Variants in RPIA observed in about 807,000 individuals in gnomAD.
RPIA encodes ribose 5-phosphate isomerase A.
RPIA carries 29 observed loss-of-function variants against 37.8 expected under a neutral mutation model. The observed-to-expected ratio is 0.77, with a 90% CI of 0.57 to 1.05. RPIA has a LOEUF of 1.05. Among genes scored for constraint, RPIA ranks in the 50% least tolerant of loss-of-function variants. The pLI, the probability that RPIA is intolerant of heterozygous loss-of-function variation, is 0.00. For missense variants in RPIA, 385 were observed against 413.6 expected (o/e 0.93, Z 0.60); for synonymous variants, 167 against 157.0 (o/e 1.06, Z -0.48).
At chr2:88,740,686 A>G (rs920525453) in intron 8 of RPIA, among the ~76,000 whole-genome samples, 3 of 152,094 alleles carry the variant, frequency 2.0e-5, no homozygotes, top group Non-Finnish European at 4.4e-5. Context: ...TCTTTCCACT[A>G]TATTTTATCG....
chr2:88,707,727 A>G (rs186984670), intron 3 of RPIA, among the ~76,000 whole-genome samples: 1 of 152,376 alleles, frequency 6.6e-6, no homozygotes, highest in East Asian at 1.9e-4. Flanking sequence ...GGCAAGGCAC[A>G]TAAGCTGCAG....
At chr2:88,749,164 A>G (rs558330916) in intron 8 of RPIA, among the ~76,000 whole-genome samples, 1 of 152,200 alleles carries the variant, frequency 6.6e-6, no homozygotes, top group Non-Finnish European at 1.5e-5. Flanking sequence ...CTAGGAGTAG[A>G]ATTGCTGAGT....
chr2:88,741,395 C>G (rs368980272), intron 8 of RPIA, among the ~76,000 whole-genome samples: 7 of 152,264 alleles, frequency 4.6e-5, no homozygotes, highest in African/African-American at 1.7e-4. Flanking sequence ...TTATTTCATT[C>G]CTTTTTATGG....
At chr2:88,734,638 G>T in intron 5 of RPIA, 22 bp downstream of exon 5, 1 of 1,612,152 alleles carries the variant, frequency 6.2e-7, no homozygotes, top group South Asian at 1.1e-5. Flanking sequence ...GGGGGCTTCT[G>T]TGCTAAAGAG....
chr2:88,696,323 C>G lies in RPIA; in HGVS notation c.286-2161C>G, dbSNP rs778652835. ...CTTTGGGAGGCAGAGGTGAGATGAT[C>G]ACTTGAGGCCAGGAGTTCGAGACTA... On this transcript the variant is annotated intron_variant, in intron 1 of 8. Transcript: ENST00000283646. Among the ~76,000 whole-genome samples the G allele has an allele frequency of 7.4e-4, 112 of 152,036 alleles. 3 individuals carry two copies. The highest frequency in any genetic ancestry group is 5.1e-4 in the Non-Finnish European group (35 of 68,002).
chr2:88,742,332 T>C (rs550282978), intron 8 of RPIA, among the ~76,000 whole-genome samples: 1 of 152,350 alleles, frequency 6.6e-6, no homozygotes, highest in African/African-American at 2.4e-5. Flanking sequence ...ATATTTTTGT[T>C]TGCTTTGTTG....
chr2:88,705,184 A>G (rs1672882705), intron 3 of RPIA, among the ~76,000 whole-genome samples: 1 of 152,210 alleles, frequency 6.6e-6, no homozygotes, highest in African/African-American at 2.4e-5. Context: ...TTAAACTACC[A>G]TTGACATTCT....
intron 3 of RPIA, among the ~76,000 whole-genome samples, chr2:88,721,303 G>A (rs1673118769): frequency 6.6e-6 from 1 of 151,708 alleles, no homozygotes; most frequent in Non-Finnish European, 1.5e-5. Flanking sequence ...ACCGTGGCAT[G>A]TATATACCTA....
chr2:88,705,502 C>T (rs973875046), intron 3 of RPIA, among the ~76,000 whole-genome samples: 1 of 152,064 alleles, frequency 6.6e-6, no homozygotes, highest in Non-Finnish European at 1.5e-5. Flanking sequence ...AACTGGCTAA[C>T]CATATGCAAA....
At chr2:88,721,674 A>G (rs934260332) in intron 3 of RPIA, among the ~76,000 whole-genome samples, 1 of 148,246 alleles carries the variant, frequency 6.7e-6, no homozygotes, top group African/African-American at 2.4e-5. Flanking sequence ...GATAAAGAAA[A>G]TGTGGTGCAT....
Position 88,710,413 on chromosome 2 carries a change from G to A in RPIA, c.402+10349G>A, listed in dbSNP as rs529984440. Among the ~76,000 whole-genome samples, 205 of 152,318 alleles carry A rather than the reference G, an allele frequency of 1.3e-3. 1 individual carries two copies. Among genetic ancestry groups the A allele is most frequent in the Admixed American group, 3.7e-3 (56 of 15,300 alleles). On this transcript the variant is annotated intron_variant, in intron 3 of 8. Transcript: ENST00000283646. Reference sequence around the variant, plus strand: ...CAGTTGGAGGGGAGGAGGTGAGACAGTGGAAACATGAGACGATTTTTTCAG... The same window carrying A: ...CAGTTGGAGGGGAGGAGGTGAGACAATGGAAACATGAGACGATTTTTTCAG...
chr2:88,750,152 CT>C lies in RPIA; in HGVS notation c.*77del, dbSNP rs1242429111. 1 of 1,009,786 alleles carries C rather than the reference CT, an allele frequency of 9.9e-7. No individual in the cohort carries two copies. The highest frequency in any genetic ancestry group is 1.5e-6 in the Non-Finnish European group (1 of 656,738). The allele number at this position is 1,009,786 out of a possible 1,614,324, so 62.6% of individuals were successfully genotyped here. A position where few individuals can be genotyped will look rare whatever the true frequency, so the allele number is the denominator to read the frequency against. On this transcript the variant is annotated 3_prime_UTR_variant, in exon 9 of 9. Transcript: ENST00000283646. ...AAGGTGGACGTACCTCTCCAGGAGC[CT>C]TTGCCTTAATGTATCTCTGCCTGGA...
At chr2:88,734,464 G>A (rs1404426129) in intron 4 of RPIA, 88 bp from the exon 5 acceptor site, 6 of 1,241,238 alleles carry the variant, frequency 4.8e-6, no homozygotes, top group East Asian at 2.3e-5. Flanking sequence ...CAGGGCTGCT[G>A]AGTATCTGAT....
chr2:88,742,557 A>G (rs1673394663), intron 8 of RPIA, among the ~76,000 whole-genome samples: 1 of 152,034 alleles, frequency 6.6e-6, no homozygotes, highest in South Asian at 2.1e-4. Context: ...TATGAATTTT[A>G]GGATTTTTTT....
At chr2:88,697,351 A>C (rs529211734) in intron 1 of RPIA, among the ~76,000 whole-genome samples, 1 of 152,370 alleles carries the variant, frequency 6.6e-6, no homozygotes, top group African/African-American at 2.4e-5. Flanking sequence ...TAACATTTAT[A>C]AGTCTTCTTG....
At chr2:88,705,417 C>T (rs549645714) in intron 3 of RPIA, among the ~76,000 whole-genome samples, 1 of 152,266 alleles carries the variant, frequency 6.6e-6, no homozygotes, top group African/African-American at 2.4e-5. Context: ...TGCACATCTA[C>T]AATCATCTGA....
intron 3 of RPIA, among the ~76,000 whole-genome samples, chr2:88,701,769 A>G (rs762023162): frequency 6.6e-5 from 10 of 152,244 alleles, no homozygotes; most frequent in Non-Finnish European, 1.3e-4. Context: ...AGGAAAGAGT[A>G]TGTTGGATAA....
At chr2:88,725,967 C>T (rs1673192051) in intron 3 of RPIA, among the ~76,000 whole-genome samples, 1 of 152,182 alleles carries the variant, frequency 6.6e-6, no homozygotes, top group Non-Finnish European at 1.5e-5. Flanking sequence ...TTTTAACAAA[C>T]CGGCAGAATT....
Position 88,750,818 on chromosome 2 carries a change from T to G in RPIA, c.*740T>G, listed in dbSNP as rs1260542659. ...GTTTTTTTATTTTTAATGATTTTCT[T>G]TTTGTTATTAATATTTTTCTCTGTT... is the stretch of plus-strand genomic sequence containing the variant. On this transcript the variant is annotated 3_prime_UTR_variant, in exon 9 of 9. Coordinates refer to ENST00000283646, the MANE Select transcript of RPIA (RefSeq NM_144563.3). 2.5e-6 allele frequency: 1 copy of G among 398,402 alleles called. No homozygotes were observed. Among genetic ancestry groups the G allele is most frequent in the Non-Finnish European group, 4.4e-6 (1 of 226,022 alleles). The allele number at this position is 398,402 out of a possible 1,614,324, so 24.7% of individuals were successfully genotyped here.
Sources: gnomAD v4.1 joint callset for allele counts (sites outside exome capture counted in the v4.1 genomes callset) on GRCh38, gnomAD v4.1.1 for gene constraint, MANE v1.5 for transcripts, NCBI Gene and HGNC (gene_info 2026-07-23, HGNC 2026-07-21) for gene names.